DMRTA2: variants seen among roughly 807,000 people sequenced by gnomAD.
DMRTA2 encodes doublesex- and mab-3-related transcription factor A2.
In DMRTA2, 10 loss-of-function variants were observed where a neutral mutation model predicts 29.7. The ratio of observed to expected loss-of-function variants is 0.34; its 90% CI spans 0.21 to 0.57. The LOEUF is 0.57. Among genes scored for constraint, DMRTA2 ranks in the 20% least tolerant of loss-of-function variants. The pLI is 0.87. For missense variants in DMRTA2, 783 were observed against 812.1 expected, an observed-to-expected ratio of 0.96 and a Z score of 0.44; for synonymous variants, 469 against 402.6, an observed-to-expected ratio of 1.16 and a Z score of -1.97.
In DMRTA2 at chr1:50,419,555, AG is replaced by A; in HGVS notation, c.738del (p.Ser248LeufsTer5). 6.4e-7 allele frequency: 1 copy of A among 1,564,704 alleles called. No individual in the cohort carries two copies. The highest frequency in any genetic ancestry group is 8.6e-7 in the Non-Finnish European group (1 of 1,158,062). On this transcript the variant is annotated frameshift_variant, in exon 3 of 3. Coordinates refer to ENST00000404795, the MANE Select transcript of DMRTA2 (RefSeq NM_032110.3). LOFTEE classifies it high-confidence loss of function. This position sits in a 1 kb window ranked among gnomAD's most constrained non-coding sequence, Gnocchi z 6.1. ...GSGSENGDGE[S>X]FSGSPLARAS... ...GCCCGAGCTAGGGGCGAACCAGAAAAGGACTCGCCATCGCCGTTCTCCGAGC... is the reference window on the plus strand; with the variant it reads ...GCCCGAGCTAGGGGCGAACCAGAAAAGACTCGCCATCGCCGTTCTCCGAGC...
At position 50,421,504 on chromosome 1, in the gene DMRTA2, G is replaced by T; in HGVS notation, c.33C>A (p.Pro11=). Residue 11 remains proline (P), a synonymous_variant, in exon 2 of 3, where the codon CCC becomes CCA. Coordinates refer to ENST00000404795, the MANE Select transcript of DMRTA2 (RefSeq NM_032110.3). This position sits in a 1 kb window ranked among gnomAD's most constrained non-coding sequence, Gnocchi z 8.7. MELRSELPSV[P]GAATAAAATA... ...TTGCCGCCGCCGCCGTCGCCGCGCC[G>T]GGCACGCTGGGCAGCTCCGAGCGCA... 7.9e-7 allele frequency: 1 copy of T among 1,270,932 alleles called. No individual in the cohort carries two copies. The highest frequency in any genetic ancestry group is 3.2e-5 in the South Asian group (1 of 31,298). The allele number at this position is 1,270,932 out of a possible 1,614,324, so 78.7% of individuals were successfully genotyped here.
Position 50,418,726 on chromosome 1 carries a change from T to C in DMRTA2, c.1568A>G (p.Glu523Gly), listed in dbSNP as rs1646007611. ...GTACAGGCCGCCGCCGTAGGTCGGC[T>C]CCTTGTGCACCGCCGCAGCAGCGGC... is the stretch of plus-strand genomic sequence containing the variant. ...SAAAAAAVHKEPTYGGGLYGP... is the reference protein window; with the variant it reads ...SAAAAAAVHKGPTYGGGLYGP... The change falls in exon 3 of 3, where the codon GAG (glutamate) becomes GGG (glycine). Residue 523 changes from glutamate (E) to glycine (G), a missense_variant. Physicochemically the swap from Glu to Gly is moderately conservative, Grantham distance 98. Coordinates refer to ENST00000404795, the MANE Select transcript of DMRTA2 (RefSeq NM_032110.3). 1 of 1,540,118 alleles carries C rather than the reference T, an allele frequency of 6.5e-7. No individual in the cohort carries two copies. The highest frequency in any genetic ancestry group is 8.7e-7 in the Non-Finnish European group (1 of 1,148,282).
In DMRTA2 at chr1:50,418,519, C is replaced by T. The variant is rs377675343; in HGVS notation, c.*146G>A. 80 of 615,394 alleles carry T rather than the reference C, an allele frequency of 1.3e-4. No homozygotes were observed. The South Asian group carries it at 3.5e-3, about 27-fold the overall frequency. The allele number at this position is 615,394 out of a possible 1,614,324, so 38.1% of individuals were successfully genotyped here. ...TTGCTCAGCCTTCCCCACCCACCCT[C>T]CTAAACAAAACCCAAAAACCACCTT... is the stretch of plus-strand genomic sequence containing the variant. On this transcript the variant is annotated 3_prime_UTR_variant, in exon 3 of 3. Transcript: ENST00000404795.
rs1210290166 is a variant in DMRTA2, at chr1:50,417,860, A to G, written c.*805T>C. 6.6e-6 allele frequency: 1 copy of G among 152,228 alleles called. No homozygotes were observed. The highest frequency in any genetic ancestry group is 1.5e-5 in the Non-Finnish European group (1 of 68,046). The allele number at this position is 152,228 out of a possible 1,614,324, so 9.4% of individuals were successfully genotyped here. On this transcript the variant is annotated 3_prime_UTR_variant, in exon 3 of 3. Transcript: ENST00000404795. ...TAAACCTGATAAGTACAATGCGCGC[A>G]TAGTCTAATTTTTTTCCATTTTGTC...
chr1:50,419,065 G>C lies in DMRTA2; in HGVS notation c.1229C>G (p.Pro410Arg), dbSNP rs1646013475. The change falls in exon 3 of 3, where the codon CCC (proline) becomes CGC (arginine). Residue 410 changes from proline (P) to arginine (R), a missense_variant. Coordinates refer to ENST00000404795, the MANE Select transcript of DMRTA2 (RefSeq NM_032110.3). The surrounding 1 kb of genome is among the most constrained non-coding windows in gnomAD (Gnocchi z 6.1). ...PGLPAPLQAG[P>R]AAPPHHRPLL... ...GGGTCTGTGGTGCGGAGGTGCGGCG[G>C]GCCCCGCCTGCAGCGGCGCAGGCAG... 2 of 1,278,760 alleles carry C rather than the reference G, an allele frequency of 1.6e-6. No individual in the cohort carries two copies. The highest frequency in any genetic ancestry group is 2.0e-6 in the Non-Finnish European group (2 of 1,016,044). 79.2% of individuals were successfully genotyped at this position (1,278,760 alleles called of 1,614,324 possible). A position where few individuals can be genotyped will look rare whatever the true frequency, so the allele number is the denominator to read the frequency against.
At position 50,419,982 on chromosome 1, in the gene DMRTA2, T is replaced by G. The variant is rs1289616355; in HGVS notation, c.560-248A>C. Reference sequence around the variant, plus strand: ...CTACCTGTGCCCTGTAAACTCGATGTTCAGTGCTGCTTTCCCCACGTCTGT... The same window carrying G: ...CTACCTGTGCCCTGTAAACTCGATGGTCAGTGCTGCTTTCCCCACGTCTGT... On this transcript the variant is annotated intron_variant, in intron 2 of 2. Transcript: ENST00000404795. The surrounding 1 kb of genome is among the most constrained non-coding windows in gnomAD (Gnocchi z 6.1). Among the ~76,000 whole-genome samples the G allele has an allele frequency of 1.3e-5, 2 of 152,188 alleles. No homozygotes were observed. The highest frequency in any genetic ancestry group is 4.8e-5 in the African/African-American group (2 of 41,426).
At position 50,418,815 on chromosome 1, in the gene DMRTA2, G is replaced by C. The variant is rs778829437; in HGVS notation, c.1479C>G (p.Pro493=). ...MAPYSTAGLV[P]TLGFRPPMDY... is the part of the protein sequence containing the mutation. Reference sequence around the variant, plus strand: ...CCATGGGTGGGCGGAAGCCGAGCGTGGGCACCAAGCCGGCAGTGGAGTAGG... The same window carrying C: ...CCATGGGTGGGCGGAAGCCGAGCGTCGGCACCAAGCCGGCAGTGGAGTAGG... The change falls in exon 3 of 3, where the codon CCC becomes CCG. Residue 493 remains proline, a synonymous_variant. Coordinates refer to ENST00000404795, the MANE Select transcript of DMRTA2 (RefSeq NM_032110.3). 21 of 1,588,190 alleles carry C rather than the reference G, an allele frequency of 1.3e-5. No individual in the cohort carries two copies. The South Asian group carries it at 2.2e-4, about 16-fold the overall frequency.
chr1:50,422,455 G>A lies in DMRTA2; in HGVS notation c.-9+661C>T, dbSNP rs977284062. On this transcript the variant is annotated intron_variant, in intron 1 of 2. Transcript: ENST00000404795. The surrounding 1 kb of genome is among the most constrained non-coding windows in gnomAD (Gnocchi z 5.7). ...TGATCTGGGTGTCCGGGATCCAGGG[G>A]CCGCGCCTGGGAGAGGGGAATGTGT... 6.6e-6 allele frequency among the ~76,000 whole-genome samples: 1 copy of A among 152,188 alleles called. No homozygotes were observed. Among genetic ancestry groups the A allele is most frequent in the Admixed American group, 6.5e-5 (1 of 15,290 alleles).
At position 50,418,396 on chromosome 1, in the gene DMRTA2, C is replaced by A; in HGVS notation, c.*269G>T. 2 of 339,964 alleles carry A rather than the reference C, an allele frequency of 5.9e-6. No individual in the cohort carries two copies. The highest frequency in any genetic ancestry group is 8.7e-5 in the East Asian group (2 of 22,886). 21.1% of individuals were successfully genotyped at this position (339,964 alleles called of 1,614,324 possible). A position where few individuals can be genotyped will look rare whatever the true frequency, so the allele number is the denominator to read the frequency against. ...ATTCCCAGCCTTTTGGAAAGGGGGC[C>A]GGGTGAGGCTGGAAGAGGGATCCGG... is the stretch of plus-strand genomic sequence containing the variant. On this transcript the variant is annotated 3_prime_UTR_variant, in exon 3 of 3. Coordinates refer to ENST00000404795, the MANE Select transcript of DMRTA2 (RefSeq NM_032110.3).
chr1:50,418,752 G>T lies in DMRTA2; in HGVS notation c.1542C>A (p.Ala514=), dbSNP rs1646009003. 1.3e-6 allele frequency: 2 copies of T among 1,568,458 alleles called. No individual in the cohort carries two copies. Among genetic ancestry groups the T allele is most frequent in the Non-Finnish European group, 1.7e-6 (2 of 1,161,184 alleles). The change falls in exon 3 of 3, where the codon GCC becomes GCA. Residue 514 remains alanine (A), a synonymous_variant. Coordinates refer to ENST00000404795, the MANE Select transcript of DMRTA2 (RefSeq NM_032110.3). ...AFSDLMRDRS[A]AAAAAVHKEP... ...CCTTGTGCACCGCCGCAGCAGCGGCGGCCGAGCGGTCACGCATGAGATCGC... is the reference window on the plus strand; with the variant it reads ...CCTTGTGCACCGCCGCAGCAGCGGCTGCCGAGCGGTCACGCATGAGATCGC...
In DMRTA2 at chr1:50,419,177, C is replaced by G; in HGVS notation, c.1117G>C (p.Val373Leu). 5 of 1,342,012 alleles carry G rather than the reference C, an allele frequency of 3.7e-6. No individual in the cohort carries two copies. Among genetic ancestry groups the G allele is most frequent in the Non-Finnish European group, 4.7e-6 (5 of 1,053,176 alleles). The allele number at this position is 1,342,012 out of a possible 1,614,324, so 83.1% of individuals were successfully genotyped here. The change falls in exon 3 of 3, where the codon GTG becomes CTG. Residue 373 changes from valine to leucine, a missense_variant. Transcript: ENST00000404795. This position sits in a 1 kb window ranked among gnomAD's most constrained non-coding sequence, Gnocchi z 6.1. ...GPAAPPDKAA[V>L]GAAAAADDAW... ...TCGTCTGCAGCTGCTGCAGCACCCA[C>G]GGCGGCCTTATCTGGGGGCGCCGCA...
At position 50,417,993 on chromosome 1, in the gene DMRTA2, T is replaced by C. The variant is rs1645998235; in HGVS notation, c.*672A>G. ...TTATAACATTATACACTGGCTTGTA[T>C]ATATATATGTATAGATTATATATAG... On this transcript the variant is annotated 3_prime_UTR_variant, in exon 3 of 3. Coordinates refer to ENST00000404795, the MANE Select transcript of DMRTA2 (RefSeq NM_032110.3). The C allele has an allele frequency of 1.3e-5, 2 of 151,896 alleles. No individual in the cohort carries two copies. Among genetic ancestry groups the C allele is most frequent in the African/African-American group, 4.8e-5 (2 of 41,386 alleles). The allele number at this position is 151,896 out of a possible 1,614,324, so 9.4% of individuals were successfully genotyped here.
Position 50,418,794 on chromosome 1 carries a change from G to C in DMRTA2, c.1500C>G (p.Pro500=). ...TGAGATCGCTAAAGGCGTAGTCCAT[G>C]GGTGGGCGGAAGCCGAGCGTGGGCA... is the stretch of plus-strand genomic sequence containing the variant. ...GLVPTLGFRP[P]MDYAFSDLMR... Residue 500 remains proline (P), a synonymous_variant, in exon 3 of 3, where the codon CCC becomes CCG. Coordinates refer to ENST00000404795, the MANE Select transcript of DMRTA2 (RefSeq NM_032110.3). 1 of 1,588,582 alleles carries C rather than the reference G, an allele frequency of 6.3e-7. No individual in the cohort carries two copies. The highest frequency in any genetic ancestry group is 8.5e-7 in the Non-Finnish European group (1 of 1,170,064).
At position 50,419,633 on chromosome 1, in the gene DMRTA2, C is replaced by G; in HGVS notation, c.661G>C (p.Gly221Arg). The G allele has an allele frequency of 1.3e-6, 2 of 1,524,094 alleles. No individual in the cohort carries two copies. The highest frequency in any genetic ancestry group is 2.5e-5 in the East Asian group (1 of 40,570). The allele number at this position is 1,524,094 out of a possible 1,614,324, so 94.4% of individuals were successfully genotyped here. A position where few individuals can be genotyped will look rare whatever the true frequency, so the allele number is the denominator to read the frequency against. ...GACGTCCCGGGCCCCGAGTCTGCGCCGTCGGGTGATAAGGGCTTCACCGGC... is the reference window on the plus strand; with the variant it reads ...GACGTCCCGGGCCCCGAGTCTGCGCGGTCGGGTGATAAGGGCTTCACCGGC... Reference protein sequence around the residue: ...PPPVKPLSPDGADSGPGTSSP... With the variant: ...PPPVKPLSPDRADSGPGTSSP... Residue 221 changes from glycine to arginine, a missense_variant, in exon 3 of 3, where the codon GGC becomes CGC. Coordinates refer to ENST00000404795, the MANE Select transcript of DMRTA2 (RefSeq NM_032110.3). The surrounding 1 kb of genome is among the most constrained non-coding windows in gnomAD (Gnocchi z 6.1).
Position 50,421,302 on chromosome 1 carries a change from C to A in DMRTA2, c.235G>T (p.Val79Leu), listed in dbSNP as rs1646036443. 6.5e-7 allele frequency: 1 copy of A among 1,532,214 alleles called. No homozygotes were observed. The highest frequency in any genetic ancestry group is 2.0e-5 in the Admixed American group (1 of 49,952). 94.9% of individuals were successfully genotyped at this position (1,532,214 alleles called of 1,614,324 possible). A position where few individuals can be genotyped will look rare whatever the true frequency, so the allele number is the denominator to read the frequency against. Residue 79 changes from valine (V) to leucine (L), a missense_variant, in exon 2 of 3, where the codon GTG becomes TTG. Transcript: ENST00000404795. The surrounding 1 kb of genome is among the most constrained non-coding windows in gnomAD (Gnocchi z 8.7). ...KCARCRNHGV[V>L]SALKGHKRYC... ...CGTTTGTGGCCCTTGAGGGCCGACA[C>A]CACGCCATGGTTGCGACAGCGCGCG... is the stretch of plus-strand genomic sequence containing the variant.
At position 50,419,764 on chromosome 1, in the gene DMRTA2, G is replaced by A. The variant is rs755437050; in HGVS notation, c.560-30C>T. On this transcript the variant is annotated intron_variant, in intron 2 of 2. Coordinates refer to ENST00000404795, the MANE Select transcript of DMRTA2 (RefSeq NM_032110.3). The surrounding 1 kb of genome is among the most constrained non-coding windows in gnomAD (Gnocchi z 6.1). Reference sequence around the variant, plus strand: ...GAGGGGAGAAAACGTGTCGTGAGGAGCGGTTAGCTAGAAGACAGCAGTCAC... The same window carrying A: ...GAGGGGAGAAAACGTGTCGTGAGGAACGGTTAGCTAGAAGACAGCAGTCAC... 3 of 1,445,698 alleles carry A rather than the reference G, an allele frequency of 2.1e-6. No individual in the cohort carries two copies. The highest frequency in any genetic ancestry group is 1.8e-4 in the Middle Eastern group (1 of 5,458). The allele number at this position is 1,445,698 out of a possible 1,614,324, so 89.6% of individuals were successfully genotyped here. A position where few individuals can be genotyped will look rare whatever the true frequency, so the allele number is the denominator to read the frequency against.
chr1:50,421,700 C>T lies in DMRTA2; in HGVS notation c.-8-156G>A, dbSNP rs1480172726. The T allele has an allele frequency of 2.3e-6, 2 of 864,950 alleles. No homozygotes were observed. The highest frequency in any genetic ancestry group is 3.7e-5 in the East Asian group (1 of 26,726). 53.6% of individuals were successfully genotyped at this position (864,950 alleles called of 1,614,324 possible). ...CAGAATTGCTGGGAGGAGGTGCAGT[C>T]GGAACCTCCTTGTGAGCCCTAGCAC... On this transcript the variant is annotated intron_variant, in intron 1 of 2. Transcript: ENST00000404795. The surrounding 1 kb of genome is among the most constrained non-coding windows in gnomAD (Gnocchi z 8.7).
chr1:50,419,014 C>A lies in DMRTA2; in HGVS notation c.1280G>T (p.Gly427Val). 1 of 1,399,498 alleles carries A rather than the reference C, an allele frequency of 7.1e-7. No individual in the cohort carries two copies. 86.7% of individuals were successfully genotyped at this position (1,399,498 alleles called of 1,614,324 possible). ...RPLLAGAMAP[G>V]ALGSLSSRSA... ...GCGGCTGCTCAGCGAGCCCAGCGCCCCAGGCGCCATGGCGCCGGCCAGCAA... is the reference window on the plus strand; with the variant it reads ...GCGGCTGCTCAGCGAGCCCAGCGCCACAGGCGCCATGGCGCCGGCCAGCAA... The change falls in exon 3 of 3, where the codon GGG (glycine) becomes GTG (valine). Residue 427 changes from glycine to valine, a missense_variant. Physicochemically the swap from Gly to Val is moderately radical, Grantham distance 109. Coordinates refer to ENST00000404795, the MANE Select transcript of DMRTA2 (RefSeq NM_032110.3). The surrounding 1 kb of genome is among the most constrained non-coding windows in gnomAD (Gnocchi z 6.1).
Position 50,421,564 on chromosome 1 carries a change from G to T in DMRTA2, c.-8-20C>A. 1 of 1,240,870 alleles carries T rather than the reference G, an allele frequency of 8.1e-7. No individual in the cohort carries two copies. Among genetic ancestry groups the T allele is most frequent in the Non-Finnish European group, 1.0e-6 (1 of 995,288 alleles). 76.9% of individuals were successfully genotyped at this position (1,240,870 alleles called of 1,614,324 possible). A position where few individuals can be genotyped will look rare whatever the true frequency, so the allele number is the denominator to read the frequency against. On this transcript the variant is annotated intron_variant, in intron 1 of 2. Transcript: ENST00000404795. This position sits in a 1 kb window ranked among gnomAD's most constrained non-coding sequence, Gnocchi z 8.7. ...CAGGACCTGACGGGAAAGAAGGTGG[G>T]AGAGGGGAGAGACCTGGTGAGGAGC...
Sources: gnomAD v4.1 joint callset for allele counts (sites outside exome capture counted in the v4.1 genomes callset) on GRCh38, gnomAD v4.1.1 for gene constraint, Gnocchi (gnomAD v3.1) non-coding constraint, MANE v1.5 for transcripts, NCBI Gene and HGNC (gene_info 2026-07-23, HGNC 2026-07-21) for gene names.